Variants in LDB2 observed in about 807,000 individuals in gnomAD.
The protein encoded by LDB2 is LIM domain binding 2.
In LDB2, 12 loss-of-function variants were observed where a neutral mutation model predicts 44.3. The ratio of observed to expected loss-of-function variants is 0.27; its 90% CI spans 0.17 to 0.44. The LOEUF (loss-of-function observed/expected upper bound fraction) is 0.44. Ranked by LOEUF, LDB2 falls within the 20% of genes least tolerant of loss-of-function variation. The probability of loss-of-function intolerance (pLI) is 1.00; values close to 1 mark genes in which losing one functional copy is unlikely to be tolerated. For missense variants in LDB2, 344 were observed against 473.5 expected, an observed-to-expected ratio of 0.73 and a Z score of 2.54; for synonymous variants, 164 against 174.8, an observed-to-expected ratio of 0.94 and a Z score of 0.49.
intron 5 of LDB2, among the ~76,000 whole-genome samples, chr4:16,585,321 G>T (rs1716366246): frequency 6.6e-6 from 1 of 152,160 alleles, no homozygotes. Flanking sequence ...AATGGCAGGG[G>T]TGTTAGGATG....
At chr4:16,809,643 A>G (rs1579866190) in intron 1 of LDB2, among the ~76,000 whole-genome samples, 2 of 152,280 alleles carry the variant, frequency 1.3e-5, no homozygotes, top group East Asian at 3.9e-4. Context: ...GCATACAGTG[A>G]CTACAAGTTT....
chr4:16,815,158 C>T (rs1428177760), intron 1 of LDB2, among the ~76,000 whole-genome samples: 1 of 152,190 alleles, frequency 6.6e-6, no homozygotes, highest in Non-Finnish European at 1.5e-5. Context: ...TTGCATTAAT[C>T]AGGTTTGCCA....
intron 2 of LDB2, among the ~76,000 whole-genome samples, chr4:16,681,364 G>A (rs531653896): frequency 1.3e-5 from 2 of 152,250 alleles, no homozygotes; most frequent in South Asian, 4.1e-4. Context: ...CAATCTGAAT[G>A]AGCTTGCAAG....
chr4:16,585,211 C>A (rs868224346), intron 5 of LDB2, among the ~76,000 whole-genome samples: 3 of 152,224 alleles, frequency 2.0e-5, no homozygotes, highest in Middle Eastern at 3.4e-3. Flanking sequence ...CCCCAGCTAC[C>A]CTGGCTGGGA....
intron 5 of LDB2, 74 bp from the exon 6 acceptor site, chr4:16,512,178 G>T: frequency 1.5e-6 from 2 of 1,300,306 alleles, no homozygotes; most frequent in South Asian, 3.7e-5. Context: ...CTAACAGCTG[G>T]AATCAAGTAG....
At chr4:16,854,504 TACACACACACACACACACAC>T (rs61445499) in intron 1 of LDB2, among the ~76,000 whole-genome samples, 1 of 145,214 alleles carries the variant, frequency 6.9e-6, no homozygotes, top group African/African-American at 2.6e-5. Context: ...TAAATATAAA[TACACACACACACACACACAC>T]ACACACACAC....
intron 1 of LDB2, among the ~76,000 whole-genome samples, chr4:16,883,160 A>G (rs960994916): frequency 2.6e-5 from 4 of 152,180 alleles, no homozygotes; most frequent in Non-Finnish European, 5.9e-5. Flanking sequence ...ATCCCTCACC[A>G]AAGAAGGTGG....
intron 1 of LDB2, among the ~76,000 whole-genome samples, chr4:16,783,190 G>A (rs1773677251): frequency 6.6e-6 from 1 of 152,242 alleles, no homozygotes; most frequent in Non-Finnish European, 1.5e-5. Context: ...TAGGGGTATG[G>A]GATGATGTCA....
intron 2 of LDB2, among the ~76,000 whole-genome samples, chr4:16,692,740 C>T (rs1038625125): frequency 2.3e-4 from 35 of 152,068 alleles, no homozygotes; most frequent in Non-Finnish European, 1.9e-4. Flanking sequence ...CTTGGTGAGT[C>T]TCAGAAACCA....
intron 2 of LDB2, among the ~76,000 whole-genome samples, chr4:16,670,664 T>C (rs540940097): frequency 6.6e-6 from 1 of 152,380 alleles, no homozygotes; most frequent in South Asian, 2.1e-4. Context: ...TGCCTCAGTT[T>C]ATTCTGCCTG....
Position 16,678,857 on chromosome 4 carries a change from C to T in LDB2, c.235+80301G>A, listed in dbSNP as rs537229742. The stretch of plus-strand genomic sequence containing the variant: ...TCCACTCATCTAACAACCTATTTTC[C>T]CACCTAGACTTCACCTCTATAAAGA... On this transcript the variant is annotated intron_variant, in intron 2 of 7. Transcript: ENST00000304523. Among the ~76,000 whole-genome samples, 5 of 152,248 alleles carry T rather than the reference C, an allele frequency of 3.3e-5. 1 individual carries two copies. Among genetic ancestry groups the T allele is most frequent in the African/African-American group, 1.2e-4 (5 of 41,548 alleles).
intron 1 of LDB2, among the ~76,000 whole-genome samples, chr4:16,896,479 G>A (rs948355309): frequency 2.0e-5 from 3 of 152,128 alleles, no homozygotes; most frequent in African/African-American, 7.2e-5. Context: ...CTGGCCAAGT[G>A]CTCAGTAATG....
rs572278861 is a variant in LDB2 at position 16,838,803 on chromosome 4, A to G, written c.132+59551T>C. ...CTTCCATGCACTGAGCAAAGAATAAAAAGCAAAAAGCTTAGTTCCATGCAT... is the reference window on the plus strand; with the variant it reads ...CTTCCATGCACTGAGCAAAGAATAAGAAGCAAAAAGCTTAGTTCCATGCAT... On this transcript the variant is annotated intron_variant, in intron 1 of 7. Transcript: ENST00000304523. Among the ~76,000 whole-genome samples the G allele has an allele frequency of 2.6e-5, 4 of 152,372 alleles. No homozygotes were observed. In the South Asian group the frequency reaches 8.3e-4, roughly 32 times the overall value.
chr4:16,633,229 T>C (rs1008470174), intron 2 of LDB2, among the ~76,000 whole-genome samples: 5 of 151,968 alleles, frequency 3.3e-5, no homozygotes, highest in African/African-American at 1.2e-4. Context: ...TAGGTGGGAA[T>C]TGAACAATGA....
chr4:16,745,488 G>A (rs1561078698), intron 2 of LDB2, among the ~76,000 whole-genome samples: 1 of 152,170 alleles, frequency 6.6e-6, no homozygotes, highest in Non-Finnish European at 1.5e-5. Flanking sequence ...AATGACAAAT[G>A]TAACAGTTCC....
At chr4:16,756,036 G>C (rs1298295973) in intron 2 of LDB2, among the ~76,000 whole-genome samples, 1 of 152,234 alleles carries the variant, frequency 6.6e-6, no homozygotes, top group African/African-American at 2.4e-5. Context: ...GCACGTGGAG[G>C]AAGAGGGTCA....
chr4:16,647,224 T>C (rs920288405), intron 2 of LDB2, among the ~76,000 whole-genome samples: 1 of 152,178 alleles, frequency 6.6e-6, no homozygotes, highest in Non-Finnish European at 1.5e-5. Context: ...CCATGCAGGA[T>C]GATTTTGTTT....
intron 1 of LDB2, among the ~76,000 whole-genome samples, chr4:16,768,625 T>C (rs1769894995): frequency 6.6e-6 from 1 of 152,112 alleles, no homozygotes; most frequent in Non-Finnish European, 1.5e-5. Context: ...GAAGCTCAGG[T>C]CATTTGTTTT....
In LDB2 at chr4:16,756,711, T is replaced by G. The variant is rs1766737034; in HGVS notation, c.235+2447A>C. 2.0e-5 allele frequency among the ~76,000 whole-genome samples: 3 copies of G among 152,094 alleles called. 1 individual carries two copies. In the South Asian group the frequency reaches 6.2e-4, roughly 31 times the overall value. ...TGTATTAATCTGAGAACTCAGCAAT[T>G]AACAAAACAGAGCCCTCATCCACAT... On this transcript the variant is annotated intron_variant, in intron 2 of 7. Coordinates refer to ENST00000304523, the MANE Select transcript of LDB2 (RefSeq NM_001290.5).
Sources: gnomAD v4.1 joint callset for allele counts (sites outside exome capture counted in the v4.1 genomes callset) on GRCh38, gnomAD v4.1.1 for gene constraint, MANE v1.5 for transcripts, NCBI Gene and HGNC (gene_info 2026-07-23, HGNC 2026-07-21) for gene names.